PTPRD: variants seen among roughly 807,000 people sequenced by gnomAD.
The protein encoded by PTPRD is protein tyrosine phosphatase receptor type D, also known as receptor-type tyrosine-protein phosphatase delta.
In PTPRD, 34 loss-of-function variants were observed where a neutral mutation model predicts 214.5. That is an observed-to-expected ratio of 0.16 (90% CI 0.12 to 0.21). PTPRD has a LOEUF of 0.21. PTPRD is among the 10% of genes least tolerant of loss of function. PTPRD has a pLI of 1.00. For synonymous variants in PTPRD, 1,128 were observed against 845.7 expected (o/e 1.33, Z -5.79); for missense variants, 2,545 against 2,398.7 (o/e 1.06, Z -1.27).
chr9:10,381,172 C>T (rs1027435796), intron 2 of PTPRD, among the ~76,000 whole-genome samples: 117 of 151,666 alleles, frequency 7.7e-4, no homozygotes, highest in African/African-American at 2.5e-3. Context: ...ACATCATGGA[C>T]GATTACTCAC....
In PTPRD at chr9:8,696,777, A is replaced by G. The variant is rs192218683; in HGVS notation, c.64+37003T>C. 8.6e-4 allele frequency among the ~76,000 whole-genome samples: 131 copies of G among 152,342 alleles called. 1 individual carries two copies. Among genetic ancestry groups the G allele is most frequent in the African/African-American group, 3.1e-3 (129 of 41,570 alleles). On this transcript the variant is annotated intron_variant, in intron 12 of 45. Coordinates refer to ENST00000381196, the MANE Select transcript of PTPRD (RefSeq NM_002839.4). The stretch of plus-strand genomic sequence containing the variant: ...GATAAGGAGTTTTTACTTCATTCCA[A>G]GTTAAATTGATACATTTTAAATCCA...
chr9:8,484,354 C>T lies in PTPRD; in HGVS notation c.3178G>A (p.Val1060Ile), dbSNP rs145574906. ...GTGGCTCGGCCATCCACTTCTTCTA[C>T]CATTTTCCCATCATCATAAAGAATC... ...FKILYDDGKM[V>I]EEVDGRATQK... The change falls in exon 30 of 46, where the codon GTA (valine) becomes ATA (isoleucine). Residue 1060 changes from valine to isoleucine, a missense_variant. Val to Ile is a conservative substitution (Grantham distance 29). Transcript: ENST00000381196. 2 of 1,613,732 alleles carry T rather than the reference C, an allele frequency of 1.2e-6. No homozygotes were observed. Among genetic ancestry groups the T allele is most frequent in the Non-Finnish European group, 1.7e-6 (2 of 1,179,894 alleles).
intron 35 of PTPRD, among the ~76,000 whole-genome samples, chr9:8,410,297 A>G (rs1041638628): frequency 2.0e-5 from 3 of 152,194 alleles, no homozygotes; most frequent in African/African-American, 7.2e-5. Flanking sequence ...GAAGGAGTGG[A>G]AAGTCCAGTG....
intron 3 of PTPRD, among the ~76,000 whole-genome samples, chr9:10,332,393 C>A (rs1338111357): frequency 6.6e-6 from 1 of 151,782 alleles, no homozygotes; most frequent in East Asian, 1.9e-4. Context: ...AATGAACTTT[C>A]TTCTAATCCT....
chr9:8,609,766 T>C (rs2095373658), intron 14 of PTPRD, among the ~76,000 whole-genome samples: 1 of 152,230 alleles, frequency 6.6e-6, no homozygotes. Context: ...TGCTCATAAT[T>C]CATAAAAATG....
In PTPRD at chr9:10,344,136, T is replaced by C. The variant is rs559209425; in HGVS notation, c.-599-3119A>G. On this transcript the variant is annotated intron_variant, in intron 2 of 45. Transcript: ENST00000381196. ...TGTCCTGAATGGTATTGCCTAGGTTTTCTTCTAGGGTTTTTATGGTTTTAG... is the reference window on the plus strand; with the variant it reads ...TGTCCTGAATGGTATTGCCTAGGTTCTCTTCTAGGGTTTTTATGGTTTTAG... 3.2e-3 allele frequency among the ~76,000 whole-genome samples: 492 copies of C among 151,864 alleles called. 4 individuals are homozygous for C. Among genetic ancestry groups the C allele is most frequent in the Admixed American group, 6.5e-3 (99 of 15,244 alleles).
At chr9:8,794,290 A>G (rs551055834) in intron 11 of PTPRD, among the ~76,000 whole-genome samples, 4 of 152,314 alleles carry the variant, frequency 2.6e-5, no homozygotes, top group Admixed American at 1.3e-4. Flanking sequence ...CTTAAGGCAG[A>G]AAGGGGATGC....
At chr9:10,160,879 TA>T (rs2099123401) in intron 3 of PTPRD, among the ~76,000 whole-genome samples, 1 of 151,938 alleles carries the variant, frequency 6.6e-6, no homozygotes, top group African/African-American at 2.4e-5. Flanking sequence ...AGTTGGAAGA[TA>T]CGGAATCAAC....
chr9:9,909,483 G>C (rs982964781), intron 5 of PTPRD, among the ~76,000 whole-genome samples: 1 of 151,590 alleles, frequency 6.6e-6, no homozygotes, highest in African/African-American at 2.4e-5. Context: ...GTGTAGTATT[G>C]AGTTAAACAT....
intron 11 of PTPRD, among the ~76,000 whole-genome samples, chr9:9,012,971 G>C (rs2099517822): frequency 6.6e-6 from 1 of 152,060 alleles, no homozygotes; most frequent in East Asian, 1.9e-4. Flanking sequence ...GCAAAATTTT[G>C]AGTGTCTAAA....
At chr9:9,510,281 A>G (rs2096668978) in intron 8 of PTPRD, among the ~76,000 whole-genome samples, 1 of 151,556 alleles carries the variant, frequency 6.6e-6, no homozygotes, top group African/African-American at 2.4e-5. Context: ...TTAGAATAGT[A>G]TCTCTTTTTT....
At chr9:9,973,171 T>A (rs1009839194) in intron 4 of PTPRD, among the ~76,000 whole-genome samples, 4 of 151,862 alleles carry the variant, frequency 2.6e-5, no homozygotes, top group Non-Finnish European at 5.9e-5. Flanking sequence ...AGTTAAAAAT[T>A]AGCAGATGTG....
Position 8,341,967 on chromosome 9 carries a change from C to A in PTPRD, c.4673G>T (p.Gly1558Val), listed in dbSNP as rs2132529823. ...PMVVHCSAGV[G>V]RTGCFIVIDA... is the part of the protein sequence containing the mutation. ...TATGACGATGAAGCAACCAGTCCGG[C>A]CAACTCCCGCACTATGAGGAAAATA... Residue 1558 changes from glycine to valine, a missense_variant, in exon 40 of 46, where the codon GGC becomes GTC. Coordinates refer to ENST00000381196, the MANE Select transcript of PTPRD (RefSeq NM_002839.4). 1 of 1,610,020 alleles carries A rather than the reference C, an allele frequency of 6.2e-7. No homozygotes were observed. Among genetic ancestry groups the A allele is most frequent in the Non-Finnish European group, 8.5e-7 (1 of 1,178,120 alleles).
At chr9:8,832,776 T>TTCTC (rs138693882) in intron 11 of PTPRD, among the ~76,000 whole-genome samples, 4,119 of 149,838 alleles carry the variant, frequency 0.027, 180 homozygotes, top group African/African-American at 0.096. Context: ...TAAATTGGAG[T>TTCTC]TCTCTCTCTC....
chr9:8,991,749 T>C (rs1158072672), intron 11 of PTPRD, among the ~76,000 whole-genome samples: 2 of 152,160 alleles, frequency 1.3e-5, no homozygotes, highest in African/African-American at 4.8e-5. Flanking sequence ...ATCAGATCAA[T>C]AGTATTTTTA....
chr9:10,232,374 T>A (rs558044070), intron 3 of PTPRD, among the ~76,000 whole-genome samples: 16 of 152,106 alleles, frequency 1.1e-4, no homozygotes, highest in South Asian at 4.1e-4. Context: ...ACAGTAGGGT[T>A]TGGATGAAGT....
intron 12 of PTPRD, among the ~76,000 whole-genome samples, chr9:8,725,804 A>G (rs907979214): frequency 6.6e-6 from 1 of 152,146 alleles, no homozygotes; most frequent in African/African-American, 2.4e-5. Flanking sequence ...ATACAGCAGA[A>G]GCAGGACTTG....
intron 11 of PTPRD, among the ~76,000 whole-genome samples, chr9:8,758,254 T>G (rs548096645): frequency 6.6e-6 from 1 of 152,148 alleles, no homozygotes; most frequent in African/African-American, 2.4e-5. Flanking sequence ...AGAATATAAT[T>G]TGAGTGACTC....
intron 14 of PTPRD, among the ~76,000 whole-genome samples, chr9:8,568,019 T>A (rs1231915503): frequency 6.6e-6 from 1 of 152,168 alleles, no homozygotes; most frequent in Admixed American, 6.6e-5. Context: ...TGTCAACCAT[T>A]TTTAATGGAT....
Sources: gnomAD v4.1 joint callset for allele counts (sites outside exome capture counted in the v4.1 genomes callset) on GRCh38, gnomAD v4.1.1 for gene constraint, MANE v1.5 for transcripts, NCBI Gene and HGNC (gene_info 2026-07-23, HGNC 2026-07-21) for gene names.